Variants in ILDR2 observed in about 807,000 individuals in gnomAD.
ILDR2 encodes immunoglobulin-like domain-containing receptor 2.
In ILDR2, 25 loss-of-function variants were observed where a neutral mutation model predicts 66.8. The observed-to-expected ratio is 0.37, with a 90% CI of 0.27 to 0.52. The LOEUF (loss-of-function observed/expected upper bound fraction) is 0.52. Among genes scored for constraint, ILDR2 ranks in the 20% least tolerant of loss-of-function variants. The probability of loss-of-function intolerance (pLI) is 0.88; values close to 1 mark genes in which losing one functional copy is unlikely to be tolerated. For missense variants in ILDR2, 827 were observed against 876.8 expected (o/e 0.94, Z 0.72); for synonymous variants, 367 against 357.2 (o/e 1.03, Z -0.31).
At chr1:166,967,744 G>A (rs1663047459) in intron 1 of ILDR2, among the ~76,000 whole-genome samples, 1 of 151,974 alleles carries the variant, frequency 6.6e-6, no homozygotes, top group Admixed American at 6.6e-5. Context: ...TGACAGAGTG[G>A]GACTCTGTCT....
rs2102050415 is a variant in ILDR2, at chr1:166,975,248, C to A, written c.21G>T (p.Arg7Ser). ...CTGTTAGCCAGAAGAGAGAAATCCACCTCAGCAAGACCCTATCCATCTTCC... is the reference window on the plus strand; with the variant it reads ...CTGTTAGCCAGAAGAGAGAAATCCAACTCAGCAAGACCCTATCCATCTTCC... Reference protein sequence around the residue: MDRVLLRWISLFWLTAM... With the variant: MDRVLLSWISLFWLTAM... The change falls in exon 1 of 10, where the codon AGG (arginine) becomes AGT (serine). Residue 7 changes from arginine to serine, a missense_variant. Around this residue, in one of 2 missense-constraint regions of ILDR2, gnomAD observed 437 missense variants for 523.2 expected, o/e 0.84. Coordinates refer to ENST00000271417, the MANE Select transcript of ILDR2 (RefSeq NM_199351.3). The A allele has an allele frequency of 1.2e-6, 2 of 1,613,642 alleles. No individual in the cohort carries two copies. Among genetic ancestry groups the A allele is most frequent in the Non-Finnish European group, 1.7e-6 (2 of 1,179,646 alleles).
At chr1:166,919,628 A>G (rs1448010592) in intron 9 of ILDR2, among the ~76,000 whole-genome samples, 11 of 152,232 alleles carry the variant, frequency 7.2e-5, no homozygotes, top group Admixed American at 7.2e-4. Flanking sequence ...CCCCTTTAGG[A>G]TAACTACTAT....
chr1:166,943,051 C>T (rs1019549386), intron 3 of ILDR2, among the ~76,000 whole-genome samples: 48 of 152,170 alleles, frequency 3.2e-4, no homozygotes, highest in African/African-American at 1.1e-3. Context: ...CCATAATGCA[C>T]CTGTGTAGTG....
intron 3 of ILDR2, chr1:166,943,717 C>G (rs1416141109): frequency 1.9e-6 from 1 of 539,738 alleles, no homozygotes; most frequent in Admixed American, 6.4e-5. Flanking sequence ...AAGGCCTGAT[C>G]TTACAGAGTC....
At chr1:166,927,004 A>T in intron 7 of ILDR2, 63 bp downstream of exon 7, 3 of 1,217,254 alleles carry the variant, frequency 2.5e-6, no homozygotes, top group South Asian at 2.9e-5. Flanking sequence ...GTGACCCCCA[A>T]ATCCCCTTTA....
intron 2 of ILDR2, among the ~76,000 whole-genome samples, chr1:166,897,462 T>G (rs1241060533): frequency 6.6e-6 from 1 of 152,190 alleles, no homozygotes; most frequent in Non-Finnish European, 1.5e-5. Flanking sequence ...GGTGTGCCCC[T>G]AGATGATTTC....
At chr1:166,932,798 T>C (rs915547210) in intron 6 of ILDR2, among the ~76,000 whole-genome samples, 2 of 152,266 alleles carry the variant, frequency 1.3e-5, no homozygotes, top group African/African-American at 4.8e-5. Context: ...TCTGAAAAAT[T>C]ACTGTTGTGA....
Position 166,964,691 on chromosome 1 carries a change from A to G in ILDR2, c.47-6590T>C, listed in dbSNP as rs369716204. 2.6e-5 allele frequency among the ~76,000 whole-genome samples: 4 copies of G among 152,172 alleles called. No homozygotes were observed. In the South Asian group the frequency reaches 8.3e-4, roughly 32 times the overall value. ...TCAGCCCCCATCTCAGCTAATCTCC[A>G]GGTGTAGGTACCTCGTCACCAGTCA... On this transcript the variant is annotated intron_variant, in intron 1 of 9. Coordinates refer to ENST00000271417, the MANE Select transcript of ILDR2 (RefSeq NM_199351.3).
chr1:166,906,293 T>A (rs565244561), downstream of ILDR2, among the ~76,000 whole-genome samples: 73 of 152,230 alleles, frequency 4.8e-4, no homozygotes, highest in African/African-American at 1.6e-3. Context: ...AATAGATCAT[T>A]TTGTGTTTAT....
chr1:166,975,062 A>G (rs1663515004), intron 1 of ILDR2, among the ~76,000 whole-genome samples, 161 bp downstream of exon 1: 1 of 151,820 alleles, frequency 6.6e-6, no homozygotes, highest in South Asian at 2.1e-4. Context: ...AAACACATAC[A>G]CAAACACACA....
chr1:166,948,760 C>A (rs947692644), intron 3 of ILDR2, among the ~76,000 whole-genome samples: 1 of 152,218 alleles, frequency 6.6e-6, no homozygotes, highest in Non-Finnish European at 1.5e-5. Context: ...AAAATCAGCT[C>A]TTTAGCAGGA....
In ILDR2 at chr1:166,909,770, A is replaced by T. The variant is rs58834186; in HGVS notation, c.*9585T>A. 6.2e-3 allele frequency: 408 copies of T among 65,932 alleles called. 4 individuals are homozygous for T. The highest frequency in any genetic ancestry group is 0.016 in the African/African-American group (214 of 13,430). The allele number at this position is 65,932 out of a possible 1,614,324, so 4.1% of individuals were successfully genotyped here. ...ATATATATATATATAAATATATATA[A>T]ATATATATATTTATATATATATATA... On this transcript the variant is annotated 3_prime_UTR_variant, in exon 10 of 10. Coordinates refer to ENST00000271417, the MANE Select transcript of ILDR2 (RefSeq NM_199351.3).
At position 166,915,370 on chromosome 1, in the gene ILDR2, G is replaced by A. The variant is rs1659600903; in HGVS notation, c.*3985C>T. The A allele has an allele frequency of 6.6e-6, 1 of 152,200 alleles. No individual in the cohort carries two copies. The highest frequency in any genetic ancestry group is 2.4e-5 in the African/African-American group (1 of 41,432). The allele number at this position is 152,200 out of a possible 1,614,324, so 9.4% of individuals were successfully genotyped here. A position where few individuals can be genotyped will look rare whatever the true frequency, so the allele number is the denominator to read the frequency against. On this transcript the variant is annotated 3_prime_UTR_variant, in exon 10 of 10. Coordinates refer to ENST00000271417, the MANE Select transcript of ILDR2 (RefSeq NM_199351.3). ...GACTAGCTGTTTGGAGTACCCAGAG[G>A]TATGACTTAGTGCAATGATTTCCAA...
At chr1:166,929,519 A>G (rs1315282859) in intron 6 of ILDR2, among the ~76,000 whole-genome samples, 1 of 152,124 alleles carries the variant, frequency 6.6e-6, no homozygotes, top group Non-Finnish European at 1.5e-5. Context: ...CATAGTGGGG[A>G]ACTTAAAAAA....
chr1:166,974,719 C>T (rs1203800818), intron 1 of ILDR2, among the ~76,000 whole-genome samples: 1 of 152,138 alleles, frequency 6.6e-6, no homozygotes, highest in East Asian at 1.9e-4. Flanking sequence ...TCCAGAGAGC[C>T]ACAGAGAGAA....
Position 166,908,973 on chromosome 1 carries a change from T to C in ILDR2, c.*10382A>G, listed in dbSNP as rs980670791. ...CAGATAGCTGTTGGTGTTGTGTATG[T>C]GTTTTGTCTGCCCAGCATCACTATT... On this transcript the variant is annotated 3_prime_UTR_variant, in exon 10 of 10. Transcript: ENST00000271417. 6.6e-6 allele frequency: 1 copy of C among 152,232 alleles called. No individual in the cohort carries two copies. The highest frequency in any genetic ancestry group is 2.4e-5 in the African/African-American group (1 of 41,448). 9.4% of individuals were successfully genotyped at this position (152,232 alleles called of 1,614,324 possible).
At chr1:166,935,580 G>T in intron 5 of ILDR2, 103 bp from the exon 6 acceptor site, 1 of 1,018,214 alleles carries the variant, frequency 9.8e-7, no homozygotes, top group Middle Eastern at 2.6e-4. Context: ...TCCTGGATGT[G>T]TGTATGTGCA....
chr1:166,928,355 T>C (rs1660428977), intron 6 of ILDR2, among the ~76,000 whole-genome samples: 1 of 152,190 alleles, frequency 6.6e-6, no homozygotes, highest in African/African-American at 2.4e-5. Context: ...TTTGGGCATC[T>C]TGCCTCTCTA....
Position 166,958,062 on chromosome 1 carries a change from T to C in ILDR2, c.86A>G (p.Lys29Arg). 1 of 1,612,794 alleles carries C rather than the reference T, an allele frequency of 6.2e-7. No individual in the cohort carries two copies. Among genetic ancestry groups the C allele is most frequent in the Non-Finnish European group, 8.5e-7 (1 of 1,178,858 alleles). The part of the protein sequence containing the change: ...EGLQVTVPDK[K>R]KVAMLFQPTV... Reference sequence around the variant, plus strand: ...GGGCTGGAAGAGCATGGCCACCTTCTTCTTGTCGGGCACTGTGACCTGAAG... The same window carrying C: ...GGGCTGGAAGAGCATGGCCACCTTCCTCTTGTCGGGCACTGTGACCTGAAG... Residue 29 changes from lysine to arginine, a missense_variant, in exon 2 of 10, where the codon AAG becomes AGG. This residue lies in a region of ILDR2 where 437 missense variants were observed against 523.2 expected (regional missense o/e 0.84). Coordinates refer to ENST00000271417, the MANE Select transcript of ILDR2 (RefSeq NM_199351.3).
Sources: gnomAD v4.1 joint callset for allele counts (sites outside exome capture counted in the v4.1 genomes callset) on GRCh38, gnomAD v4.1.1 for gene constraint, gnomAD v4.1.1 regional missense constraint, MANE v1.5 for transcripts, NCBI Gene and HGNC (gene_info 2026-07-23, HGNC 2026-07-21) for gene names.